Variants in RAP1A observed in about 807,000 individuals in gnomAD.
RAP1A encodes the protein RAP1A, member of RAS oncogene family.
In RAP1A, 6 loss-of-function variants were observed where a neutral mutation model predicts 26.4. The ratio of observed to expected loss-of-function variants is 0.23; its 90% CI spans 0.12 to 0.45. The LOEUF (loss-of-function observed/expected upper bound fraction) is 0.45. RAP1A is among the 20% of genes least tolerant of loss of function. The pLI is 0.99. For synonymous variants in RAP1A, 73 were observed against 79.4 expected (o/e 0.92, Z 0.43); for missense variants, 121 against 217.2 (o/e 0.56, Z 2.78).
At chr1:111,613,490 C>T (rs775309478) in intron 1 of RAP1A, among the ~76,000 whole-genome samples, 6 of 152,242 alleles carry the variant, frequency 3.9e-5, no homozygotes, top group East Asian at 1.9e-4. Flanking sequence ...TTAGCCACCA[C>T]GCCCGGCCAG....
chr1:111,629,371 A>G (rs1004747698), intron 1 of RAP1A, among the ~76,000 whole-genome samples: 7 of 152,166 alleles, frequency 4.6e-5, no homozygotes, highest in Non-Finnish European at 7.4e-5. Flanking sequence ...TGACTGAATA[A>G]TATAAAGCAA....
intron 1 of RAP1A, among the ~76,000 whole-genome samples, chr1:111,601,978 T>C (rs577289432): frequency 2.0e-5 from 3 of 152,336 alleles, no homozygotes; most frequent in East Asian, 3.8e-4. Flanking sequence ...TAAACTTTAA[T>C]TGAATTTTCA....
At chr1:111,654,126 C>T (rs1660376005) in intron 1 of RAP1A, among the ~76,000 whole-genome samples, 1 of 152,242 alleles carries the variant, frequency 6.6e-6, no homozygotes, top group Non-Finnish European at 1.5e-5. Flanking sequence ...ATTTTTTATT[C>T]CAGCCAGAGA....
intron 2 of RAP1A, among the ~76,000 whole-genome samples, chr1:111,694,935 T>TA (rs34542623): frequency 1.9e-4 from 29 of 151,540 alleles, no homozygotes; most frequent in African/African-American, 6.5e-4. Context: ...ACCCTGTGTT[T>TA]AAAAAAAAAT....
intron 1 of RAP1A, among the ~76,000 whole-genome samples, chr1:111,690,777 G>A (rs568273631): frequency 6.6e-6 from 1 of 152,200 alleles, no homozygotes; most frequent in Non-Finnish European, 1.5e-5. Context: ...GCCTTATGGC[G>A]TATATTGCTA....
chr1:111,606,702 C>G (rs1376229474), intron 1 of RAP1A, among the ~76,000 whole-genome samples: 1 of 152,196 alleles, frequency 6.6e-6, no homozygotes, highest in East Asian at 1.9e-4. Context: ...TATTATTACC[C>G]TGATGTGTAA....
At chr1:111,657,366 C>T (rs1660495193) in intron 1 of RAP1A, among the ~76,000 whole-genome samples, 1 of 152,168 alleles carries the variant, frequency 6.6e-6, no homozygotes, top group Non-Finnish European at 1.5e-5. Flanking sequence ...ACTTGGGTCC[C>T]ATTCCCAATA....
At chr1:111,585,492 A>G (rs562410564) in intron 1 of RAP1A, among the ~76,000 whole-genome samples, 37 of 152,224 alleles carry the variant, frequency 2.4e-4, no homozygotes, top group African/African-American at 8.9e-4. Context: ...ACAGAAAAAA[A>G]AAAGCAGTAA....
intron 1 of RAP1A, among the ~76,000 whole-genome samples, chr1:111,606,003 A>C (rs1658766740): frequency 6.6e-6 from 1 of 152,202 alleles, no homozygotes; most frequent in East Asian, 1.9e-4. Context: ...CACCAGGGGC[A>C]AGCTGAGGGC....
chr1:111,665,878 A>G (rs998675288), intron 1 of RAP1A, among the ~76,000 whole-genome samples: 7 of 152,208 alleles, frequency 4.6e-5, no homozygotes, highest in African/African-American at 1.7e-4. Flanking sequence ...TTTCTTTTAA[A>G]TCATTTTAAT....
chr1:111,711,060 G>C (rs1337732444), intron 7 of RAP1A, among the ~76,000 whole-genome samples: 1 of 152,148 alleles, frequency 6.6e-6, no homozygotes, highest in Admixed American at 6.5e-5. Context: ...TCAAACTCCT[G>C]ACCTCAGGTG....
chr1:111,617,598 A>C (rs556988583), upstream of RAP1A, among the ~76,000 whole-genome samples: 79 of 151,342 alleles, frequency 5.2e-4, no homozygotes, highest in African/African-American at 1.9e-3. Context: ...ACGCCTGGCT[A>C]ATTTTTTTTG....
chr1:111,648,714 C>G (rs1312137494), intron 1 of RAP1A: 5 of 579,640 alleles, frequency 8.6e-6, no homozygotes, highest in Non-Finnish European at 1.6e-5. Flanking sequence ...CTTAGCCTCT[C>G]CAGCCTCAGC....
chr1:111,604,213 G>C (rs1658726874), intron 1 of RAP1A, among the ~76,000 whole-genome samples: 1 of 152,222 alleles, frequency 6.6e-6, no homozygotes, highest in South Asian at 2.1e-4. Context: ...CTTGTGTAGT[G>C]CTCCACAGTG....
chr1:111,563,479 C>T (rs114329977), intron 1 of RAP1A, among the ~76,000 whole-genome samples: 19 of 151,970 alleles, frequency 1.3e-4, no homozygotes, highest in Non-Finnish European at 2.4e-4. Context: ...GAGGGACATT[C>T]GGGAGAAACG....
chr1:111,633,880 A>G (rs986389819), intron 1 of RAP1A, among the ~76,000 whole-genome samples: 3 of 152,234 alleles, frequency 2.0e-5, no homozygotes, highest in Non-Finnish European at 2.9e-5. Flanking sequence ...TGCTGTCACA[A>G]CAGAACATAC....
rs907110070 is a variant in RAP1A, at chr1:111,691,343, A to G, written c.-18A>G. The G allele has an allele frequency of 1.2e-6, 2 of 1,610,018 alleles. No individual in the cohort carries two copies. The highest frequency in any genetic ancestry group is 1.7e-6 in the Non-Finnish European group (2 of 1,176,758). On this transcript the variant is annotated 5_prime_UTR_variant, in exon 2 of 8. Transcript: ENST00000369709. ...TTTGTTTGTTTTTCAGATCGTCAGT[A>G]TTTAAACAGATCACATCATGCGTGA... is the stretch of plus-strand genomic sequence containing the variant.
chr1:111,594,560 G>A (rs1341355970), intron 1 of RAP1A, among the ~76,000 whole-genome samples: 1 of 110,006 alleles, frequency 9.1e-6, no homozygotes, highest in Non-Finnish European at 2.0e-5. Context: ...AAGAAGGAAA[G>A]GAGGGAGGGA....
chr1:111,549,341 T>G (rs1271230240), intron 1 of RAP1A, among the ~76,000 whole-genome samples: 1 of 151,436 alleles, frequency 6.6e-6, no homozygotes, highest in Non-Finnish European at 1.5e-5. Context: ...CTTTTTCCTT[T>G]TTTTCCCCCT....
Sources: allele counts gnomAD v4.1 joint callset (sites outside exome capture counted in the v4.1 genomes callset), GRCh38; gene constraint gnomAD v4.1.1; transcripts MANE v1.5; gene names NCBI Gene and HGNC (gene_info 2026-07-23, HGNC 2026-07-21).